The following RGS6 variants were observed in gnomAD, a reference collection of about 807,000 sequenced individuals.
RGS6 encodes regulator of G protein signaling 6, also known as regulator of G-protein signaling 6.
In RGS6, 30 loss-of-function variants were observed where a neutral mutation model predicts 78.5. That is an observed-to-expected ratio of 0.38 (90% confidence interval 0.29 to 0.52). The LOEUF (loss-of-function observed/expected upper bound fraction) is 0.52. RGS6 is among the 20% of genes least tolerant of loss of function. RGS6 has a pLI of 0.85. For missense variants in RGS6, 495 were observed against 609.7 expected (o/e 0.81, Z 1.98); for synonymous variants, 206 against 206.0 (o/e 1.00, Z 0.00).
chr14:72,557,781 G>A (rs374120095), intron 17 of RGS6, among the ~76,000 whole-genome samples: 202 of 152,304 alleles, frequency 1.3e-3, no homozygotes, highest in African/African-American at 4.8e-3. Context: ...AAAGGGATCC[G>A]TTTGCATCAA....
At chr14:72,308,348 C>T (rs556598870) in intron 2 of RGS6, among the ~76,000 whole-genome samples, 1 of 152,312 alleles carries the variant, frequency 6.6e-6, no homozygotes, top group South Asian at 2.1e-4. Flanking sequence ...CTCAAATCCA[C>T]CTTCTTCCAA....
chr14:71,995,546 G>T (rs73293246), intron 2 of RGS6, among the ~76,000 whole-genome samples: 8 of 151,990 alleles, frequency 5.3e-5, no homozygotes, highest in Non-Finnish European at 1.2e-4. Context: ...AAGTTTCCTT[G>T]ATCTCCCTGT....
intron 2 of RGS6, among the ~76,000 whole-genome samples, chr14:72,067,554 TCACA>T (rs140001228): frequency 1.3e-5 from 2 of 151,966 alleles, no homozygotes; most frequent in Non-Finnish European, 2.9e-5. Context: ...CACTTTTTAA[TCACA>T]CACACTAATA....
chr14:72,544,427 G>T (rs987557575), intron 17 of RGS6, among the ~76,000 whole-genome samples: 1 of 152,174 alleles, frequency 6.6e-6, no homozygotes, highest in Non-Finnish European at 1.5e-5. Context: ...AGCTTCATCA[G>T]CTCCAGCCTT....
At chr14:72,203,818 T>A (rs1359310736) in intron 2 of RGS6, among the ~76,000 whole-genome samples, 1 of 109,820 alleles carries the variant, frequency 9.1e-6, no homozygotes, top group African/African-American at 3.7e-5. Flanking sequence ...CCTTTCTTTC[T>A]TTCTTTTTTT....
intron 3 of RGS6, among the ~76,000 whole-genome samples, chr14:72,414,600 G>A (rs762577823): frequency 6.6e-6 from 1 of 152,180 alleles, no homozygotes; most frequent in Non-Finnish European, 1.5e-5. Context: ...TTCCGTTGCT[G>A]GTGAGGAGCT....
chr14:72,356,026 T>C (rs550289971), intron 3 of RGS6, among the ~76,000 whole-genome samples: 2 of 152,344 alleles, frequency 1.3e-5, no homozygotes, highest in East Asian at 3.9e-4. Context: ...TGACATGCTC[T>C]GACTTACCTT....
At chr14:72,281,144 CTTTTTTTT>C (rs11381940) in intron 2 of RGS6, among the ~76,000 whole-genome samples, 2 of 112,844 alleles carry the variant, frequency 1.8e-5, no homozygotes, top group East Asian at 2.6e-4. Flanking sequence ...AAACAAGATT[CTTTTTTTT>C]TTTTTTTTTT....
chr14:72,037,983 A>G (rs550751913), intron 2 of RGS6, among the ~76,000 whole-genome samples: 2 of 151,822 alleles, frequency 1.3e-5, no homozygotes, highest in South Asian at 4.2e-4. Context: ...ATTTTATTTT[A>G]TTTTTGAGAT....
chr14:72,340,222 T>TC (rs1454997192), intron 2 of RGS6, among the ~76,000 whole-genome samples: 1 of 152,118 alleles, frequency 6.6e-6, no homozygotes, highest in Non-Finnish European at 1.5e-5. Context: ...TATCTCAGTA[T>TC]CCCTCCCCAG....
chr14:72,182,126 T>C (rs2097180534), intron 2 of RGS6, among the ~76,000 whole-genome samples: 1 of 152,146 alleles, frequency 6.6e-6, no homozygotes, highest in African/African-American at 2.4e-5. Context: ...ATGTATAGCT[T>C]AGGCCAGGCG....
chr14:72,001,895 C>CTTTTTTTTTTTTTTTTTTTTTTT (rs59274317), intron 2 of RGS6, among the ~76,000 whole-genome samples: 1 of 92,552 alleles, frequency 1.1e-5, no homozygotes, highest in African/African-American at 4.4e-5. Flanking sequence ...ATCCATTAAT[C>CTTTTTTTTTTTTTTTTTTTTTTT]TTTTTTTTTT....
intron 2 of RGS6, among the ~76,000 whole-genome samples, chr14:72,032,099 A>C (rs2090990639): frequency 6.6e-6 from 1 of 152,160 alleles, no homozygotes; most frequent in African/African-American, 2.4e-5. Context: ...ACACGCTATA[A>C]ATTTCATATA....
the RGS6 span, among the ~76,000 whole-genome samples, chr14:72,615,397 C>T: frequency 6.6e-6 from 1 of 152,228 alleles, no homozygotes; most frequent in Non-Finnish European, 1.5e-5. Context: ...TAACAATCAT[C>T]TCATTTTTCT....
chr14:72,600,487 G>A, the RGS6 span, among the ~76,000 whole-genome samples: 2 of 151,954 alleles, frequency 1.3e-5, no homozygotes, highest in Non-Finnish European at 2.9e-5. Context: ...TCCTCTTCTG[G>A]AAAATGAAGG....
chr14:72,434,485 C>T (rs1263713358), intron 3 of RGS6, among the ~76,000 whole-genome samples: 2 of 152,180 alleles, frequency 1.3e-5, no homozygotes, highest in African/African-American at 2.4e-5. Context: ...ATTCAATGCA[C>T]TGGAATGCCT....
intron 2 of RGS6, among the ~76,000 whole-genome samples, chr14:72,146,885 C>T (rs958132805): frequency 1.3e-5 from 2 of 152,200 alleles, no homozygotes; most frequent in Admixed American, 6.5e-5. Flanking sequence ...GCTACTTAGG[C>T]ATTTGCTACT....
chr14:72,036,063 CCT>C (rs2153358649), intron 2 of RGS6, among the ~76,000 whole-genome samples: 1 of 152,148 alleles, frequency 6.6e-6, no homozygotes, highest in South Asian at 2.1e-4. Flanking sequence ...CAAGCACTAC[CCT>C]GTTACCCATC....
intron 1 of RGS6, among the ~76,000 whole-genome samples, chr14:71,952,414 A>G (rs2092410018): frequency 6.6e-6 from 1 of 152,038 alleles, no homozygotes; most frequent in Non-Finnish European, 1.5e-5. Context: ...TTTCTCTTGG[A>G]TCATGATCCC....
Sources: gnomAD v4.1 joint callset for allele counts (sites outside exome capture counted in the v4.1 genomes callset) on GRCh38, gnomAD v4.1.1 for gene constraint, MANE v1.5 for transcripts, NCBI Gene and HGNC (gene_info 2026-07-23, HGNC 2026-07-21) for gene names.